The following RYR2 variants were observed in gnomAD, a reference collection of about 807,000 sequenced individuals.
The protein encoded by RYR2 is cardiac muscle ryanodine receptor-calcium release channel.
In RYR2, 227 loss-of-function variants were observed where a neutral mutation model predicts 601.1. The ratio of observed to expected loss-of-function variants is 0.38; its 90% CI spans 0.34 to 0.42. The LOEUF is 0.42. Among genes scored for constraint, RYR2 ranks in the 10% least tolerant of loss-of-function variants. The pLI is 1.00. For synonymous variants in RYR2, 2,223 were observed against 2,175.1 expected (o/e 1.02, Z -0.61); for missense variants, 4,646 against 6,156.5 (o/e 0.75, Z 8.21).
At chr1:237,185,823 C>A (rs1166554452) in intron 1 of RYR2, among the ~76,000 whole-genome samples, 2 of 152,200 alleles carry the variant, frequency 1.3e-5, no homozygotes, top group Non-Finnish European at 2.9e-5. Flanking sequence ...GAAGGCCAAG[C>A]AAGCATAAAC....
chr1:237,749,296 G>A (rs1013886587), intron 80 of RYR2, among the ~76,000 whole-genome samples: 1 of 152,200 alleles, frequency 6.6e-6, no homozygotes, highest in African/African-American at 2.4e-5. Context: ...TGTGTGAGCG[G>A]AAGCCTCAAT....
At chr1:237,086,987 T>C (rs560650036) in intron 1 of RYR2, among the ~76,000 whole-genome samples, 17 of 152,186 alleles carry the variant, frequency 1.1e-4, no homozygotes, top group African/African-American at 3.9e-4. Context: ...TTATGGCTTG[T>C]TGTGCCAGAG....
At chr1:237,588,151 A>G (rs1432648069) in intron 29 of RYR2, among the ~76,000 whole-genome samples, 1 of 152,100 alleles carries the variant, frequency 6.6e-6, no homozygotes, top group African/African-American at 2.4e-5. Flanking sequence ...TTTAGTTTTA[A>G]CTAGAAACTC....
chr1:237,567,697 T>G (rs917986269), intron 28 of RYR2, among the ~76,000 whole-genome samples: 1 of 151,716 alleles, frequency 6.6e-6, no homozygotes, highest in Non-Finnish European at 1.5e-5. Flanking sequence ...TTTTAAAGTC[T>G]TCTTTTTTTT....
At chr1:237,511,833 T>TTAAA (rs1558946161) in intron 24 of RYR2, 42 bp downstream of exon 24, 17 of 274,490 alleles carry the variant, frequency 6.2e-5, no homozygotes, top group Non-Finnish European at 7.8e-5. Flanking sequence ...CTGCCTTCCC[T>TTAAA]GAAAAAAAAA....
intron 17 of RYR2, among the ~76,000 whole-genome samples, chr1:237,487,594 G>A (rs1197060235): frequency 6.0e-5 from 9 of 149,316 alleles, no homozygotes; most frequent in Non-Finnish European, 1.3e-4. Flanking sequence ...ATGGTGGCAT[G>A]CACCTATAGT....
At chr1:237,410,309 G>T (rs569437564) in intron 10 of RYR2, among the ~76,000 whole-genome samples, 1 of 152,042 alleles carries the variant, frequency 6.6e-6, no homozygotes, top group African/African-American at 2.4e-5. Flanking sequence ...TCTCTTAAGG[G>T]CAAAAAAGAT....
At chr1:237,669,326 T>G (rs989122745) in intron 58 of RYR2, among the ~76,000 whole-genome samples, 1 of 152,182 alleles carries the variant, frequency 6.6e-6, no homozygotes, top group African/African-American at 2.4e-5. Flanking sequence ...TTTCCCCACC[T>G]TTCCCCCCTC....
intron 51 of RYR2, among the ~76,000 whole-genome samples, chr1:237,652,369 C>G (rs1041220324): frequency 6.6e-6 from 1 of 152,074 alleles, no homozygotes; most frequent in Non-Finnish European, 1.5e-5. Flanking sequence ...ATATCATAAT[C>G]TAGACTCAGA....
chr1:237,234,382 C>T (rs1685326555), intron 1 of RYR2, among the ~76,000 whole-genome samples: 1 of 152,120 alleles, frequency 6.6e-6, no homozygotes, highest in South Asian at 2.1e-4. Context: ...TAATATTTCC[C>T]AGAATGTGCT....
At chr1:237,542,440 C>T (rs559537721) in intron 25 of RYR2, among the ~76,000 whole-genome samples, 1 of 152,192 alleles carries the variant, frequency 6.6e-6, no homozygotes, top group East Asian at 1.9e-4. Context: ...AGATTTATGC[C>T]CCTCTTATTA....
intron 80 of RYR2, among the ~76,000 whole-genome samples, chr1:237,742,816 C>T (rs894252209): frequency 6.6e-6 from 1 of 152,202 alleles, no homozygotes; most frequent in African/African-American, 2.4e-5. Context: ...TAGTGGCACA[C>T]AACGCAGTTT....
At chr1:237,496,876 T>C (rs576645396) in intron 20 of RYR2, 124 bp downstream of exon 20, 1 of 1,162,010 alleles carries the variant, frequency 8.6e-7, no homozygotes, top group Non-Finnish European at 1.2e-6. Context: ...AAATTTAGCA[T>C]TGAGATGATG....
intron 56 of RYR2, among the ~76,000 whole-genome samples, chr1:237,662,936 G>A (rs677620): frequency 1 from 152,237 of 152,386 alleles, 76,044 homozygotes; most frequent in Middle Eastern, 1. Flanking sequence ...GCCTCATTAA[G>A]TGTGAATTCT....
chr1:237,775,670 A>G (rs1258121029), intron 87 of RYR2, among the ~76,000 whole-genome samples: 1 of 152,228 alleles, frequency 6.6e-6, no homozygotes, highest in African/African-American at 2.4e-5. Context: ...AAAGGGGAAG[A>G]ATTGTTTGAG....
At chr1:237,083,462 C>G (rs1014054962) in intron 1 of RYR2, among the ~76,000 whole-genome samples, 1 of 152,128 alleles carries the variant, frequency 6.6e-6, no homozygotes, top group Non-Finnish European at 1.5e-5. Flanking sequence ...GGGCTAAGCT[C>G]CTTTTTTGAT....
chr1:237,803,566 C>T (rs1302895122), intron 98 of RYR2, among the ~76,000 whole-genome samples: 1 of 152,160 alleles, frequency 6.6e-6, no homozygotes, highest in Non-Finnish European at 1.5e-5. Flanking sequence ...TCCCAAAGTA[C>T]TGGGATTACA....
intron 8 of RYR2, among the ~76,000 whole-genome samples, chr1:237,380,796 G>A (rs1328648268): frequency 1.3e-5 from 2 of 151,860 alleles, no homozygotes; most frequent in Non-Finnish European, 2.9e-5. Flanking sequence ...ACAAAAATTA[G>A]GCCAGGCGCG....
Position 237,258,186 on chromosome 1 carries a change from A to G in RYR2, c.49-12311A>G, listed in dbSNP as rs1054299439. ...TCCATCTAAAAAAAAAAAAAAAAAG[A>G]AAGAAAAAGAAAAAAAGAAAAGGGC... On this transcript the variant is annotated intron_variant, in intron 1 of 104. Transcript: ENST00000366574. Among the ~76,000 whole-genome samples, 7 of 150,462 alleles carry G rather than the reference A, an allele frequency of 4.7e-5. No individual in the cohort carries two copies. In the South Asian group the frequency reaches 1.5e-3, roughly 32 times the overall value.
Sources: gnomAD v4.1 joint callset for allele counts (sites outside exome capture counted in the v4.1 genomes callset) on GRCh38, gnomAD v4.1.1 for gene constraint, MANE v1.5 for transcripts, NCBI Gene and HGNC (gene_info 2026-07-23, HGNC 2026-07-21) for gene names.